DNAH9: variants seen among roughly 807,000 people sequenced by gnomAD.
DNAH9 encodes the protein dynein axonemal heavy chain 9.
A neutral mutation model predicts 471.6 loss-of-function variants in DNAH9; 345 were observed. The ratio of observed to expected loss-of-function variants is 0.73; its 90% CI spans 0.67 to 0.80. The LOEUF is 0.80. Ranked by LOEUF, DNAH9 falls within the 30% of genes least tolerant of loss-of-function variation. The pLI, the probability that DNAH9 is intolerant of heterozygous loss-of-function variation, is 0.00. For missense variants in DNAH9, 5,407 were observed against 5,609.2 expected, an observed-to-expected ratio of 0.96 and a Z score of 1.15; for synonymous variants, 2,093 against 2,123.6, an observed-to-expected ratio of 0.99 and a Z score of 0.40.
At chr17:11,958,852 T>A (rs1237418248) in intron 67 of DNAH9, among the ~76,000 whole-genome samples, 1 of 152,200 alleles carries the variant, frequency 6.6e-6, no homozygotes, top group African/African-American at 2.4e-5. Flanking sequence ...TCAGCTTTCC[T>A]CATAAACACA....
chr17:11,875,028 A>G lies in DNAH9; in HGVS notation c.10322A>G (p.Glu3441Gly). Residue 3441 changes from glutamate to glycine, a missense_variant, in exon 53 of 69, where the codon GAG becomes GGG. Coordinates refer to ENST00000262442, the MANE Select transcript of DNAH9 (RefSeq NM_001372.4). ...DDADVAAWQN[E>G]GLPADRMSVE... ...GCTGACGTGGCTGCCTGGCAGAACG[A>G]GGGCCTCCCAGCCGACCGCATGTCC... 1 of 1,614,126 alleles carries G rather than the reference A, an allele frequency of 6.2e-7. No homozygotes were observed. Among genetic ancestry groups the G allele is most frequent in the Non-Finnish European group, 8.5e-7 (1 of 1,180,018 alleles).
At chr17:11,599,026 G>A in intron 1 of DNAH9, 111 bp downstream of exon 1, 1 of 935,504 alleles carries the variant, frequency 1.1e-6, no homozygotes, top group South Asian at 2.0e-5. Flanking sequence ...TGCAGGGGAG[G>A]TCCAAGAGGC....
At chr17:11,663,232 T>G (rs570073047) in intron 14 of DNAH9, among the ~76,000 whole-genome samples, 1 of 152,308 alleles carries the variant, frequency 6.6e-6, no homozygotes, top group East Asian at 1.9e-4. Flanking sequence ...CCATTCAGCT[T>G]AGAGCACTCT....
chr17:11,961,951 G>A lies in DNAH9; in HGVS notation c.12928G>A (p.Ala4310Thr). ...DMVPESWARR[A>T]YPSTAGLAAW... is the part of the protein sequence containing the mutation. ...GGTGCCAGAGTCCTGGGCTAGACGA[G>A]CCTACCCTTCCACAGCAGGCCTGGC... The change falls in exon 68 of 69, where the codon GCC becomes ACC. Residue 4310 changes from alanine (A) to threonine (T), a missense_variant. This residue lies in a region of DNAH9 where 4,636 missense variants were observed against 4,900.3 expected (regional missense o/e 0.95). Transcript: ENST00000262442. The A allele has an allele frequency of 1.9e-6, 3 of 1,614,192 alleles. No individual in the cohort carries two copies. The highest frequency in any genetic ancestry group is 1.1e-5 in the South Asian group (1 of 91,084).
intron 20 of DNAH9, 96 bp from the exon 21 acceptor site, chr17:11,693,772 C>T: frequency 2.3e-6 from 3 of 1,328,092 alleles, no homozygotes; most frequent in Non-Finnish European, 3.2e-6. Flanking sequence ...ATTTGACAAC[C>T]CAGGAACAAG....
rs1342325567 is a variant in DNAH9, at chr17:11,704,355, C to T, written c.5304C>T (p.Leu1768=). ...KTLITMLIGQ[L]SKGDRQKIMT... is the part of the protein sequence containing the mutation. ...TTATCACCATGCTGATTGGCCAGCT[C>T]TCCAAGGGAGACCGGCAGAAGATTA... Residue 1768 remains leucine, a synonymous_variant, in exon 25 of 69, where the codon CTC becomes CTT. Coordinates refer to ENST00000262442, the MANE Select transcript of DNAH9 (RefSeq NM_001372.4). 6.2e-7 allele frequency: 1 copy of T among 1,614,168 alleles called. No homozygotes were observed. The highest frequency in any genetic ancestry group is 8.5e-7 in the Non-Finnish European group (1 of 1,180,038).
Position 11,729,044 on chromosome 17 carries a change from G to A in DNAH9, c.5814+1122G>A, listed in dbSNP as rs545050595. Among the ~76,000 whole-genome samples, 6 of 152,242 alleles carry A rather than the reference G, an allele frequency of 3.9e-5. No individual in the cohort carries two copies. The South Asian group carries it at 6.2e-4, about 16-fold the overall frequency. ...AAGTTCGAACCCAATAGTAGCAGGC[G>A]GAAATGCCTTCCTCAGCAGGCATCA... On this transcript the variant is annotated intron_variant, in intron 28 of 68. Coordinates refer to ENST00000262442, the MANE Select transcript of DNAH9 (RefSeq NM_001372.4).
At chr17:11,700,448 C>A (rs778668513) in intron 23 of DNAH9, among the ~76,000 whole-genome samples, 25 of 152,146 alleles carry the variant, frequency 1.6e-4, no homozygotes, top group Non-Finnish European at 2.8e-4. Context: ...ACCACGGGAC[C>A]ATTTACCCCT....
intron 59 of DNAH9, among the ~76,000 whole-genome samples, chr17:11,895,457 C>T (rs929561706): frequency 6.6e-6 from 1 of 152,138 alleles, no homozygotes; most frequent in Admixed American, 6.5e-5. Flanking sequence ...ATATGATTGG[C>T]TTTCTTTCTC....
chr17:11,924,451 G>T (rs1031174394), intron 62 of DNAH9, among the ~76,000 whole-genome samples: 3 of 151,856 alleles, frequency 2.0e-5, no homozygotes, highest in Non-Finnish European at 4.4e-5. Context: ...TAATTTGACT[G>T]AACAGTTACA....
intron 67 of DNAH9, among the ~76,000 whole-genome samples, chr17:11,945,180 TGGC>T (rs1975067077): frequency 6.6e-6 from 1 of 152,198 alleles, no homozygotes; most frequent in African/African-American, 2.4e-5. Context: ...CCAGCTTACC[TGGC>T]AGGGGGAAGG....
chr17:11,853,966 T>C, intron 49 of DNAH9, 37 bp from the exon 50 acceptor site: 1 of 1,595,434 alleles, frequency 6.3e-7, no homozygotes, highest in Non-Finnish European at 8.6e-7. Context: ...AGAAAGCCCA[T>C]TCATGTTCCC....
chr17:11,617,701 T>A, intron 5 of DNAH9, 79 bp downstream of exon 5: 1 of 1,006,432 alleles, frequency 9.9e-7, no homozygotes, highest in Non-Finnish European at 1.5e-6. Context: ...GAGACAAGTG[T>A]CCTTTTTTCT....
intron 59 of DNAH9, 42 bp downstream of exon 59, chr17:11,894,538 CAG>C: frequency 1.9e-6 from 3 of 1,598,686 alleles, no homozygotes; most frequent in Non-Finnish European, 2.6e-6. Context: ...TCTCATCTCT[CAG>C]AATTTACCTC....
intron 50 of DNAH9, among the ~76,000 whole-genome samples, chr17:11,862,044 T>C (rs1317324971): frequency 6.8e-6 from 1 of 147,550 alleles, no homozygotes; most frequent in African/African-American, 2.5e-5. Flanking sequence ...CATTTGTCAA[T>C]TTTGGCTTTT....
At position 11,875,272 on chromosome 17, in the gene DNAH9, G is replaced by A; in HGVS notation, c.10478+88G>A. 2.9e-6 allele frequency: 3 copies of A among 1,028,038 alleles called. 1 individual carries two copies. The South Asian group carries it at 4.5e-5, about 15-fold the overall frequency. The allele number at this position is 1,028,038 out of a possible 1,614,324, so 63.7% of individuals were successfully genotyped here. ...GAGCAGATTTTAAGCCCAGTGAATG[G>A]TTTGTACACTCCTGGTCTCTCCATC... On this transcript the variant is annotated intron_variant, in intron 53 of 68. Transcript: ENST00000262442.
intron 19 of DNAH9, among the ~76,000 whole-genome samples, chr17:11,687,798 G>C (rs532363165): frequency 6.6e-6 from 1 of 152,038 alleles, no homozygotes; most frequent in African/African-American, 2.4e-5. Context: ...GAGAAAATGA[G>C]AGGGTCCTTG....
chr17:11,654,355 C>CAAAAAAAAAAAAAAAAAAAAA (rs527835262), intron 14 of DNAH9, among the ~76,000 whole-genome samples: 11 of 11,256 alleles, frequency 9.8e-4, no homozygotes, highest in East Asian at 2.7e-3. Flanking sequence ...GACTCCGTCT[C>CAAAAAAAAAAAAAAAAAAAAA]AAAAAAAAAA....
At chr17:11,900,149 T>A (rs1973359254) in intron 59 of DNAH9, among the ~76,000 whole-genome samples, 1 of 149,004 alleles carries the variant, frequency 6.7e-6, no homozygotes, top group African/African-American at 2.5e-5. Context: ...GTCCACTGGC[T>A]CAAAAGTGGT....
Sources: allele counts gnomAD v4.1 joint callset (sites outside exome capture counted in the v4.1 genomes callset), GRCh38; gene constraint gnomAD v4.1.1; regional missense constraint gnomAD v4.1.1; transcripts MANE v1.5; gene names NCBI Gene and HGNC (gene_info 2026-07-23, HGNC 2026-07-21).